Variants in SCAP observed in about 807,000 individuals in gnomAD.
SCAP encodes the protein sterol regulatory element-binding protein cleavage-activating protein.
In SCAP, 65 loss-of-function variants were observed where a neutral mutation model predicts 123.6. The observed-to-expected ratio is 0.53, with a 90% CI of 0.43 to 0.65. The LOEUF (loss-of-function observed/expected upper bound fraction) is 0.65, where lower values mean the gene tolerates loss of function less well. Ranked by LOEUF, SCAP falls within the 30% of genes least tolerant of loss-of-function variation. The pLI is 0.00. For missense variants in SCAP, 1,398 were observed against 1,712.5 expected (o/e 0.82, Z 3.24); for synonymous variants, 740 against 726.3 (o/e 1.02, Z -0.30).
intron 10 of SCAP, chr3:47,421,262 G>A (rs1303127320): frequency 3.6e-6 from 2 of 550,816 alleles, no homozygotes; most frequent in Admixed American, 3.1e-5. Flanking sequence ...GGCTGAAAGG[G>A]AAGGGGAAGT....
chr3:47,428,345 G>A (rs574596002), intron 4 of SCAP, among the ~76,000 whole-genome samples, 168 bp downstream of exon 4: 9 of 152,226 alleles, frequency 5.9e-5, no homozygotes, highest in South Asian at 2.1e-4. Flanking sequence ...TGCAGCCACC[G>A]TAGACCCACA....
In SCAP at chr3:47,419,091, G is replaced by C. The variant is rs1705777824; in HGVS notation, c.1940+237C>G. Among the ~76,000 whole-genome samples, 1 of 152,174 alleles carries C rather than the reference G, an allele frequency of 6.6e-6. No homozygotes were observed. Among genetic ancestry groups the C allele is most frequent in the South Asian group, 2.1e-4 (1 of 4,830 alleles). On this transcript the variant is annotated intron_variant, in intron 13 of 22. Coordinates refer to ENST00000265565, the MANE Select transcript of SCAP (RefSeq NM_012235.4). This position sits in a 1 kb window ranked among gnomAD's most constrained non-coding sequence, Gnocchi z 5.0. ...GTGGGGTATCTCCCTCCCCACTCCTGGCACAGGTGGGTGGGTCTCATTCTG... is the reference window on the plus strand; with the variant it reads ...GTGGGGTATCTCCCTCCCCACTCCTCGCACAGGTGGGTGGGTCTCATTCTG...
At chr3:47,476,416 C>CA (rs1559579113), upstream of SCAP, among the ~76,000 whole-genome samples, 1 of 152,094 alleles carries the variant, frequency 6.6e-6, no homozygotes, top group Non-Finnish European at 1.5e-5. Flanking sequence ...AGACAAAAAA[C>CA]AAAAAACCCA....
intron 1 of SCAP, 45 bp from the exon 2 acceptor site, chr3:47,443,136 C>T (rs1706871535): frequency 2.8e-6 from 4 of 1,429,170 alleles, no homozygotes; most frequent in Non-Finnish European, 2.8e-6. Context: ...GTACTTGGCT[C>T]TGCACACTAG....
chr3:47,448,503 T>C (rs572498526), intron 1 of SCAP, among the ~76,000 whole-genome samples: 4 of 152,220 alleles, frequency 2.6e-5, no homozygotes, highest in African/African-American at 9.6e-5. Flanking sequence ...TTCAAAAACA[T>C]AAAAGATAAA....
intron 1 of SCAP, among the ~76,000 whole-genome samples, chr3:47,445,856 C>A (rs887413133): frequency 1.3e-5 from 2 of 151,340 alleles, no homozygotes; most frequent in Admixed American, 6.6e-5. Flanking sequence ...CAGGTGTGAG[C>A]CACCACACCC....
intron 1 of SCAP, among the ~76,000 whole-genome samples, chr3:47,470,399 T>C (rs1264565813): frequency 6.6e-6 from 1 of 152,150 alleles, no homozygotes; most frequent in African/African-American, 2.4e-5. Context: ...GAAACCCAGG[T>C]GTAGCATAGG....
In SCAP at chr3:47,426,079, G is replaced by A. The variant is rs1706115370; in HGVS notation, c.828C>T (p.Phe276=). The A allele has an allele frequency of 6.2e-7, 1 of 1,614,026 alleles. No individual in the cohort carries two copies. The highest frequency in any genetic ancestry group is 1.7e-5 in the Admixed American group (1 of 59,992). ...LRAESLVHVH[F]KEEIGVAELI... ...GCTCAGCGACACCAATCTCCTCCTT[G>A]AAGTGCACGTGGACCAGGCTCTCCG... The change falls in exon 7 of 23, where the codon TTC becomes TTT. Residue 276 remains phenylalanine, a synonymous_variant. Coordinates refer to ENST00000265565, the MANE Select transcript of SCAP (RefSeq NM_012235.4).
At chr3:47,474,531 A>G (rs1708194347) in intron 1 of SCAP, among the ~76,000 whole-genome samples, 1 of 152,178 alleles carries the variant, frequency 6.6e-6, no homozygotes, top group East Asian at 1.9e-4. Context: ...ACGGTGGTTC[A>G]CGCCTGTAAT....
intron 3 of SCAP, among the ~76,000 whole-genome samples, chr3:47,432,417 T>C (rs2107851203): frequency 6.6e-6 from 1 of 151,694 alleles, no homozygotes; most frequent in African/African-American, 2.4e-5. Flanking sequence ...CCCCTATGTC[T>C]CTTTGACATA....
intron 1 of SCAP, among the ~76,000 whole-genome samples, chr3:47,474,317 C>T (rs1325283474): frequency 6.6e-6 from 1 of 151,368 alleles, no homozygotes; most frequent in South Asian, 2.1e-4. Context: ...CAGATCAGTT[C>T]ATAATAAATT....
At chr3:47,472,428 G>A (rs1178391398) in intron 1 of SCAP, among the ~76,000 whole-genome samples, 1 of 145,420 alleles carries the variant, frequency 6.9e-6, no homozygotes, top group Admixed American at 7.0e-5. Flanking sequence ...GCGACAGAGC[G>A]AGACTCCGTC....
chr3:47,471,559 G>A (rs189416236), intron 1 of SCAP, among the ~76,000 whole-genome samples: 7 of 152,126 alleles, frequency 4.6e-5, no homozygotes, highest in Non-Finnish European at 8.8e-5. Flanking sequence ...TAGTGGAGAC[G>A]GGGTTTCACA....
intron 1 of SCAP, among the ~76,000 whole-genome samples, chr3:47,448,576 G>A (rs563234429): frequency 2.0e-5 from 3 of 148,682 alleles, no homozygotes; most frequent in East Asian, 2.0e-4. Flanking sequence ...ATTTTATTTC[G>A]ATCTCTGTTG....
chr3:47,441,437 C>A (rs1029494355), intron 2 of SCAP, among the ~76,000 whole-genome samples: 2 of 152,010 alleles, frequency 1.3e-5, no homozygotes, highest in Non-Finnish European at 2.9e-5. Context: ...CACTACATTC[C>A]AGCCTGGCTG....
chr3:47,468,961 T>C (rs1464912079), intron 1 of SCAP, among the ~76,000 whole-genome samples: 2 of 152,232 alleles, frequency 1.3e-5, no homozygotes, highest in Admixed American at 6.6e-5. Flanking sequence ...ATAGTTTCTA[T>C]GTAGAATAAT....
intron 3 of SCAP, among the ~76,000 whole-genome samples, chr3:47,429,797 G>A (rs996654865): frequency 6.6e-6 from 1 of 152,186 alleles, no homozygotes; most frequent in South Asian, 2.1e-4. Context: ...AACAGAGGCC[G>A]TCTGGCCCGC....
chr3:47,428,041 A>C (rs937530337), intron 4 of SCAP, among the ~76,000 whole-genome samples: 2 of 152,178 alleles, frequency 1.3e-5, no homozygotes, highest in African/African-American at 4.8e-5. Context: ...CCACTAGCTA[A>C]CTAAAACCTG....
At chr3:47,455,088 T>C (rs1186762182) in intron 1 of SCAP, among the ~76,000 whole-genome samples, 2 of 86,320 alleles carry the variant, frequency 2.3e-5, no homozygotes, top group Non-Finnish European at 5.1e-5. Context: ...TATATATATA[T>C]ATATATAATC....
Sources: gnomAD v4.1 joint callset for allele counts (sites outside exome capture counted in the v4.1 genomes callset) on GRCh38, gnomAD v4.1.1 for gene constraint, Gnocchi (gnomAD v3.1) non-coding constraint, MANE v1.5 for transcripts, NCBI Gene and HGNC (gene_info 2026-07-23, HGNC 2026-07-21) for gene names.